CCDC178: variants seen among roughly 807,000 people sequenced by gnomAD.
CCDC178 encodes the protein coiled-coil domain containing 178.
CCDC178 carries 126 observed loss-of-function variants against 117.4 expected under a neutral mutation model. That is an observed-to-expected ratio of 1.07 (90% CI 0.93 to 1.24). The LOEUF (loss-of-function observed/expected upper bound fraction) is 1.24, where lower values mean the gene tolerates loss of function less well. Ranked by LOEUF, CCDC178 falls within the 50% of genes most tolerant of loss-of-function variation. The probability of loss-of-function intolerance (pLI) is 0.00; values close to 1 mark genes in which losing one functional copy is unlikely to be tolerated. For missense variants in CCDC178, 1,030 were observed against 986.9 expected (o/e 1.04, Z -0.59); for synonymous variants, 283 against 313.4 (o/e 0.90, Z 1.02).
chr18:33,411,904 G>A (rs2144898303), intron 3 of CCDC178, 127 bp downstream of exon 3: 1 of 488,760 alleles, frequency 2.0e-6, no homozygotes, highest in South Asian at 3.4e-5. Context: ...GTCCCAGTAA[G>A]TTTTGGTTTT....
At chr18:33,243,613 A>C (rs1450042820) in intron 15 of CCDC178, among the ~76,000 whole-genome samples, 1 of 151,968 alleles carries the variant, frequency 6.6e-6, no homozygotes, top group Non-Finnish European at 1.5e-5. Context: ...GAGTTACATC[A>C]AACTTGCATT....
intron 14 of CCDC178, among the ~76,000 whole-genome samples, chr18:33,255,829 G>T (rs1181293767): frequency 6.6e-6 from 1 of 152,148 alleles, no homozygotes; most frequent in East Asian, 1.9e-4. Context: ...AGATATATCA[G>T]CTGCTCTAGG....
At chr18:33,328,456 TGATTC>T (rs1333620419) in intron 10 of CCDC178, among the ~76,000 whole-genome samples, 1 of 152,126 alleles carries the variant, frequency 6.6e-6, no homozygotes, top group African/African-American at 2.4e-5. Flanking sequence ...TTTATGTCTT[TGATTC>T]ATTTTGAGTT....
chr18:33,150,599 A>G (rs1197322363), intron 20 of CCDC178, among the ~76,000 whole-genome samples: 1 of 152,166 alleles, frequency 6.6e-6, no homozygotes, highest in Non-Finnish European at 1.5e-5. Flanking sequence ...AGATATGCAA[A>G]CAGCCAACAA....
intron 21 of CCDC178, among the ~76,000 whole-genome samples, chr18:32,988,297 G>A (rs565709219): frequency 2.0e-5 from 3 of 151,624 alleles, no homozygotes; most frequent in African/African-American, 7.3e-5. Context: ...TTATTCGGGC[G>A]TGGTCGCGTA....
chr18:33,312,221 C>G (rs561759593), intron 11 of CCDC178, among the ~76,000 whole-genome samples: 16 of 152,118 alleles, frequency 1.1e-4, no homozygotes, highest in Non-Finnish European at 1.9e-4. Context: ...TAAAAGATGC[C>G]TTTTAGATGC....
intron 10 of CCDC178, among the ~76,000 whole-genome samples, chr18:33,331,658 C>A (rs182970932): frequency 3.9e-5 from 6 of 152,084 alleles, no homozygotes; most frequent in African/African-American, 9.7e-5. Flanking sequence ...ATCTTCCAAC[C>A]TGACACATTG....
chr18:32,953,791 A>G (rs1422399022), intron 22 of CCDC178, among the ~76,000 whole-genome samples: 2 of 152,176 alleles, frequency 1.3e-5, no homozygotes, highest in African/African-American at 4.8e-5. Flanking sequence ...ATTGTTTTTC[A>G]ATGGACTTCC....
intron 20 of CCDC178, among the ~76,000 whole-genome samples, chr18:33,175,019 A>AT (rs1164621063): frequency 1.4e-5 from 2 of 147,580 alleles, no homozygotes; most frequent in Non-Finnish European, 3.0e-5. Context: ...AACCCGGCTA[A>AT]TTTTTTATTT....
At chr18:33,265,565 A>C (rs1162814943) in intron 14 of CCDC178, among the ~76,000 whole-genome samples, 1 of 151,986 alleles carries the variant, frequency 6.6e-6, no homozygotes, top group African/African-American at 2.4e-5. Context: ...TGGGCTGGAA[A>C]AAGTGATAAG....
intron 20 of CCDC178, among the ~76,000 whole-genome samples, chr18:33,202,391 TAAAAAAA>T (rs60997290): frequency 0.012 from 239 of 20,260 alleles, 2 homozygotes; most frequent in African/African-American, 0.02. Context: ...GACTCCATCT[TAAAAAAA>T]AAAAAAAAAA....
intron 9 of CCDC178, among the ~76,000 whole-genome samples, chr18:33,338,586 G>C (rs1002735159): frequency 1.3e-5 from 2 of 152,074 alleles, no homozygotes; most frequent in South Asian, 4.1e-4. Flanking sequence ...ATAAAATAAT[G>C]GCATTCACAG....
At chr18:33,057,778 G>A (rs1452596800) in intron 21 of CCDC178, among the ~76,000 whole-genome samples, 7 of 152,178 alleles carry the variant, frequency 4.6e-5, no homozygotes, top group Admixed American at 4.6e-4. Context: ...ACAGGTGTGA[G>A]ACACCACGTC....
chr18:33,394,374 C>T (rs143598993), intron 4 of CCDC178, among the ~76,000 whole-genome samples: 1 of 151,824 alleles, frequency 6.6e-6, no homozygotes, highest in South Asian at 2.1e-4. Context: ...GGCAGTGAAC[C>T]AAGCCAGGTT....
chr18:33,204,685 T>C (rs1171017091), intron 20 of CCDC178, among the ~76,000 whole-genome samples: 2 of 152,234 alleles, frequency 1.3e-5, no homozygotes, highest in Non-Finnish European at 1.5e-5. Flanking sequence ...CCAAAATGTG[T>C]GGCTTGATCA....
chr18:33,326,294 C>T (rs1440478774), intron 10 of CCDC178, among the ~76,000 whole-genome samples: 2 of 152,042 alleles, frequency 1.3e-5, no homozygotes, highest in African/African-American at 4.8e-5. Context: ...TTGTCTGGGG[C>T]CTGTCTCTGT....
chr18:33,054,292 G>A (rs1176228646), intron 21 of CCDC178, among the ~76,000 whole-genome samples: 1 of 151,918 alleles, frequency 6.6e-6, no homozygotes, highest in African/African-American at 2.4e-5. Flanking sequence ...TAAGTTCAGG[G>A]GTGTATGTGC....
chr18:33,316,651 T>C (rs1599150345), intron 11 of CCDC178, among the ~76,000 whole-genome samples: 1 of 152,160 alleles, frequency 6.6e-6, no homozygotes, highest in Non-Finnish European at 1.5e-5. Context: ...AGAACCTTTA[T>C]GTCTAGCTAA....
intron 2 of CCDC178, among the ~76,000 whole-genome samples, chr18:33,437,110 A>C (rs1283722897): frequency 2.0e-5 from 3 of 152,220 alleles, no homozygotes; most frequent in African/African-American, 4.8e-5. Flanking sequence ...TCTGACTAAC[A>C]TAATTTCTCT....
Sources: gnomAD v4.1 joint callset for allele counts (sites outside exome capture counted in the v4.1 genomes callset) on GRCh38, gnomAD v4.1.1 for gene constraint, MANE v1.5 for transcripts, NCBI Gene and HGNC (gene_info 2026-07-23, HGNC 2026-07-21) for gene names.